NCOA3: variants seen among roughly 807,000 people sequenced by gnomAD.
NCOA3 encodes nuclear receptor coactivator 3.
In NCOA3, 51 loss-of-function variants were observed where a neutral mutation model predicts 158.8. The observed-to-expected ratio is 0.32, with a 90% CI of 0.26 to 0.41. NCOA3 has a LOEUF of 0.41. NCOA3 is among the 10% of genes least tolerant of loss of function. The pLI, the probability that NCOA3 is intolerant of heterozygous loss-of-function variation, is 1.00. For synonymous variants in NCOA3, 537 were observed against 592.4 expected (o/e 0.91, Z 1.36); for missense variants, 1,510 against 1,746.6 (o/e 0.86, Z 2.41).
chr20:47,645,565 A>G (rs1376855417), intron 17 of NCOA3, among the ~76,000 whole-genome samples: 1 of 150,850 alleles, frequency 6.6e-6, no homozygotes, highest in East Asian at 1.9e-4. Context: ...TTATGGATAA[A>G]TACTACCTTT....
At chr20:47,513,246 T>TC (rs2084176528) in intron 1 of NCOA3, among the ~76,000 whole-genome samples, 1 of 151,814 alleles carries the variant, frequency 6.6e-6, no homozygotes, top group African/African-American at 2.4e-5. Context: ...ACTTCTGGGT[T>TC]CCCCCCAAGA....
intron 1 of NCOA3, among the ~76,000 whole-genome samples, chr20:47,547,287 A>C (rs1022930222): frequency 2.6e-5 from 4 of 152,032 alleles, no homozygotes; most frequent in Admixed American, 2.6e-4. Context: ...CCCTTCTCTT[A>C]CCCCATCTGT....
At chr20:47,571,531 T>G (rs1448219053) in intron 1 of NCOA3, among the ~76,000 whole-genome samples, 2 of 151,964 alleles carry the variant, frequency 1.3e-5, no homozygotes, top group Non-Finnish European at 2.9e-5. Context: ...TTGCCCAGGC[T>G]GGTCTCGAAC....
Position 47,651,140 on chromosome 20 carries a change from A to G in NCOA3, c.3810A>G (p.Gln1270=), listed in dbSNP as rs112355546. The G allele has an allele frequency of 8.7e-6, 14 of 1,610,604 alleles. No homozygotes were observed. In the East Asian group the frequency reaches 2.0e-4, roughly 23 times the overall value. Residue 1270 remains glutamine (Q), a synonymous_variant, in exon 20 of 23, where the codon CAA becomes CAG. Coordinates refer to ENST00000371998, the MANE Select transcript of NCOA3 (RefSeq NM_181659.3). ...AGCAGCAACAGCAACAGCAACAGCAACAGCAGCAACAGCAGCAAACCCAGG... is the reference window on the plus strand; with the variant it reads ...AGCAGCAACAGCAACAGCAACAGCAGCAGCAGCAACAGCAGCAAACCCAGG... ...QQQQQQQQQQ[Q]QQQQQQTQAF...
rs555859994 is a variant in NCOA3 at position 47,509,732 on chromosome 20, A to AC, written c.-99+7720dup. ...AGACCAGCCTGGGCAACATAGCAAGACCCCCCCATCTCTATTAAAAAAATT... is the reference window on the plus strand; with the variant it reads ...AGACCAGCCTGGGCAACATAGCAAGACCCCCCCCATCTCTATTAAAAAAATT... On this transcript the variant is annotated intron_variant, in intron 1 of 22. Transcript: ENST00000371998. Among the ~76,000 whole-genome samples the AC allele has an allele frequency of 8.6e-4, 130 of 151,826 alleles. 2 individuals are homozygous for AC. The South Asian group carries it at 0.021, about 25-fold the overall frequency.
chr20:47,592,336 G>C (rs2085658069), intron 2 of NCOA3, among the ~76,000 whole-genome samples: 1 of 152,054 alleles, frequency 6.6e-6, no homozygotes, highest in African/African-American at 2.4e-5. Flanking sequence ...TGAGCCACCA[G>C]GCCCAGCCGA....
intron 2 of NCOA3, among the ~76,000 whole-genome samples, chr20:47,614,191 C>G (rs997427880): frequency 6.6e-6 from 1 of 151,822 alleles, no homozygotes; most frequent in African/African-American, 2.4e-5. Flanking sequence ...GTATGAATGA[C>G]GGATTGAAAG....
chr20:47,540,816 A>C (rs1283535729), intron 1 of NCOA3, among the ~76,000 whole-genome samples: 1 of 152,150 alleles, frequency 6.6e-6, no homozygotes, highest in Non-Finnish European at 1.5e-5. Flanking sequence ...TTGTACAAAT[A>C]ATTGCTTTTG....
intron 2 of NCOA3, 108 bp from the exon 3 acceptor site, chr20:47,622,121 G>A: frequency 1.7e-6 from 1 of 586,898 alleles, no homozygotes; most frequent in Non-Finnish European, 3.0e-6. Flanking sequence ...TCTGTTTAGA[G>A]AAAGTAGTTC....
At chr20:47,653,303 C>T in intron 22 of NCOA3, 103 bp from the exon 23 acceptor site, 2 of 1,398,708 alleles carry the variant, frequency 1.4e-6, no homozygotes, top group Middle Eastern at 1.9e-4. Flanking sequence ...TCAGCCAGAG[C>T]TGCACTGTAA....
At chr20:47,518,116 G>T (rs994689437) in intron 1 of NCOA3, among the ~76,000 whole-genome samples, 1 of 152,136 alleles carries the variant, frequency 6.6e-6, no homozygotes, top group South Asian at 2.1e-4. Flanking sequence ...GGAGGTCGAG[G>T]TGGGAGAATT....
intron 2 of NCOA3, among the ~76,000 whole-genome samples, chr20:47,605,904 C>T (rs1184587151): frequency 6.6e-6 from 1 of 152,210 alleles, no homozygotes; most frequent in East Asian, 1.9e-4. Flanking sequence ...CTTTTGATCT[C>T]ACAACATGGC....
intron 4 of NCOA3, 49 bp from the exon 5 acceptor site, chr20:47,625,332 T>C (rs2086304641): frequency 3.1e-6 from 4 of 1,278,288 alleles, no homozygotes; most frequent in Non-Finnish European, 4.6e-6. Flanking sequence ...GGTGATTTAA[T>C]CTATAACTGA....
In NCOA3 at chr20:47,624,990, C is replaced by G. The variant is rs532320187; in HGVS notation, c.257-391C>G. Among the ~76,000 whole-genome samples the G allele has an allele frequency of 3.3e-5, 5 of 152,238 alleles. No homozygotes were observed. In the South Asian group the frequency reaches 1.0e-3, roughly 32 times the overall value. On this transcript the variant is annotated intron_variant, in intron 4 of 22. Transcript: ENST00000371998. ...GTTTTGCCATGTTGGCCAGGCTGGT[C>G]TCAAACTCCTGACCTCAGGTGATCC... is the stretch of plus-strand genomic sequence containing the variant.
chr20:47,649,856 G>C (rs1435429645), intron 19 of NCOA3, among the ~76,000 whole-genome samples: 1 of 152,022 alleles, frequency 6.6e-6, no homozygotes, highest in Non-Finnish European at 1.5e-5. Flanking sequence ...GTAGCTAGTA[G>C]AGCTGAAATC....
chr20:47,588,762 A>AT (rs2085577979), intron 2 of NCOA3, among the ~76,000 whole-genome samples: 1 of 152,076 alleles, frequency 6.6e-6, no homozygotes, highest in Non-Finnish European at 1.5e-5. Context: ...CGTACTATAT[A>AT]TACTCTTGCA....
chr20:47,596,658 T>G (rs1317960744), intron 2 of NCOA3, among the ~76,000 whole-genome samples: 2 of 152,206 alleles, frequency 1.3e-5, no homozygotes, highest in East Asian at 3.8e-4. Context: ...TGATCTTGGC[T>G]TACTGCAGCC....
intron 1 of NCOA3, among the ~76,000 whole-genome samples, chr20:47,576,663 G>A (rs2085377250): frequency 6.6e-6 from 1 of 152,152 alleles, no homozygotes; most frequent in Non-Finnish European, 1.5e-5. Context: ...AGGAAAATGT[G>A]CAATCCTGGT....
rs1602390000 is a variant in NCOA3 at position 47,552,181 on chromosome 20, C to G, written c.-98-31002C>G. On this transcript the variant is annotated intron_variant, in intron 1 of 22. Transcript: ENST00000371998. ...ATCATATCACATTACTGAAGCATAT[C>G]TAGCAAAGTTATACTTATAAACAGC... Among the ~76,000 whole-genome samples, 5 of 152,290 alleles carry G rather than the reference C, an allele frequency of 3.3e-5. No individual in the cohort carries two copies. In the East Asian group the frequency reaches 5.8e-4, roughly 18 times the overall value.
Sources: allele counts gnomAD v4.1 joint callset (sites outside exome capture counted in the v4.1 genomes callset), GRCh38; gene constraint gnomAD v4.1.1; transcripts MANE v1.5; gene names NCBI Gene and HGNC (gene_info 2026-07-23, HGNC 2026-07-21).